TMEM237: variants seen among roughly 807,000 people sequenced by gnomAD.
TMEM237 encodes transmembrane protein 237.
TMEM237 carries 51 observed loss-of-function variants against 59.1 expected under a neutral mutation model. The observed-to-expected ratio is 0.86, with a 90% confidence interval of 0.69 to 1.09. The LOEUF (loss-of-function observed/expected upper bound fraction) is 1.09. Ranked by LOEUF, TMEM237 falls within the 50% of genes least tolerant of loss-of-function variation. TMEM237 has a pLI of 0.00. For synonymous variants in TMEM237, 140 were observed against 166.1 expected, an observed-to-expected ratio of 0.84 and a Z score of 1.21; for missense variants, 475 against 478.3, an observed-to-expected ratio of 0.99 and a Z score of 0.06.
In TMEM237 at chr2:201,620,697, G is replaced by A. The variant is rs1412524971; in HGVS notation, c.*3558C>T. On this transcript the variant is annotated 3_prime_UTR_variant, in exon 13 of 13. Transcript: ENST00000409883. ...ATAGAAGTATTTTTTGTGTGTGTCAGGTTGTGATGGCCTTTGTGCAAGGTG... is the reference window on the plus strand; with the variant it reads ...ATAGAAGTATTTTTTGTGTGTGTCAAGTTGTGATGGCCTTTGTGCAAGGTG... 1 of 152,224 alleles carries A rather than the reference G, an allele frequency of 6.6e-6. No homozygotes were observed. Among genetic ancestry groups the A allele is most frequent in the Non-Finnish European group, 1.5e-5 (1 of 68,056 alleles). The allele number at this position is 152,224 out of a possible 1,614,324, so 9.4% of individuals were successfully genotyped here.
rs1957812187 is a variant in TMEM237, at chr2:201,632,032, A to G, written c.553+19T>C. ...CAATTTTTAAAGAGTTCATATTCTA[A>G]AACAAGGCATCTACTTACGGCTTTT... On this transcript the variant is annotated intron_variant, in intron 7 of 12. Coordinates refer to ENST00000409883, the MANE Select transcript of TMEM237 (RefSeq NM_001044385.3). The G allele has an allele frequency of 6.2e-7, 1 of 1,612,774 alleles. No homozygotes were observed. The highest frequency in any genetic ancestry group is 1.3e-5 in the African/African-American group (1 of 74,888).
intron 7 of TMEM237, 140 bp from the exon 8 acceptor site, chr2:201,629,992 G>T: frequency 9.5e-7 from 1 of 1,056,704 alleles, no homozygotes; most frequent in Non-Finnish European, 1.3e-6. Flanking sequence ...CCTTGACTCA[G>T]TACCTATTTC....
intron 12 of TMEM237, among the ~76,000 whole-genome samples, chr2:201,625,584 A>G (rs1957751536): frequency 6.6e-6 from 1 of 152,174 alleles, no homozygotes; most frequent in South Asian, 2.1e-4. Context: ...AGTACTAAAC[A>G]CTGTTAGCCA....
In TMEM237 at chr2:201,629,410, A is replaced by G; in HGVS notation, c.689T>C (p.Leu230Pro). The G allele has an allele frequency of 6.4e-7, 1 of 1,570,472 alleles. No homozygotes were observed. Among genetic ancestry groups the G allele is most frequent in the Non-Finnish European group, 8.6e-7 (1 of 1,165,600 alleles). Reference protein sequence around the residue: ...TVHRAFRMIGLFSHGFLAGCA... With the variant: ...TVHRAFRMIGPFSHGFLAGCA... ...GCCAGCCAAGAATCCATGAGAAAAG[A>G]GACCAATCATCCTGAATGGAAAAGG... Residue 230 changes from leucine to proline, a missense_variant, in exon 9 of 13, where the codon CTC becomes CCC. Leu to Pro is a moderately conservative substitution (Grantham distance 98). Coordinates refer to ENST00000409883, the MANE Select transcript of TMEM237 (RefSeq NM_001044385.3).
chr2:201,641,073 C>T, intron 1 of TMEM237, 149 bp from the exon 2 acceptor site: 1 of 570,210 alleles, frequency 1.8e-6, no homozygotes, highest in Non-Finnish European at 2.9e-6. Flanking sequence ...CTCACTGCAG[C>T]TTCCATCTCC....
chr2:201,631,937 T>A, intron 7 of TMEM237, 114 bp downstream of exon 7: 1 of 1,126,402 alleles, frequency 8.9e-7, no homozygotes, highest in South Asian at 1.6e-5. Flanking sequence ...GTTTTGTGTA[T>A]AAATTGTTGT....
At position 201,623,714 on chromosome 2, in the gene TMEM237, A is replaced by C. The variant is rs1233594002; in HGVS notation, c.*541T>G. The C allele has an allele frequency of 6.5e-6, 1 of 152,728 alleles. No individual in the cohort carries two copies. The highest frequency in any genetic ancestry group is 2.4e-5 in the African/African-American group (1 of 41,444). The allele number at this position is 152,728 out of a possible 1,614,324, so 9.5% of individuals were successfully genotyped here. ...ATATAATTTTTCAAACAAAACATAC[A>C]TTCCCTTTTTATTGGTCATAATGTA... On this transcript the variant is annotated 3_prime_UTR_variant, in exon 13 of 13. Transcript: ENST00000409883.
Position 201,631,742 on chromosome 2 carries a change from T to C in TMEM237, c.553+309A>G, listed in dbSNP as rs1385445762. 5.3e-5 allele frequency among the ~76,000 whole-genome samples: 8 copies of C among 152,152 alleles called. No individual in the cohort carries two copies. In the East Asian group the frequency reaches 1.3e-3, roughly 26 times the overall value. On this transcript the variant is annotated intron_variant, in intron 7 of 12. Coordinates refer to ENST00000409883, the MANE Select transcript of TMEM237 (RefSeq NM_001044385.3). ...CAAACTGTGTGTGTGTGTGTGCACA[T>C]GTGTATATGCTCATTTTTTATCAGA...
intron 1 of TMEM237, among the ~76,000 whole-genome samples, chr2:201,642,416 A>G (rs1687442732): frequency 6.6e-6 from 1 of 152,178 alleles, no homozygotes; most frequent in Non-Finnish European, 1.5e-5. Flanking sequence ...AGTCACAGGA[A>G]CGCGCTATTG....
rs749188626 is a variant in TMEM237, at chr2:201,635,536, C to T, written c.274+1212G>A. ...CAGCACTTTGGGAGGCCGAGGTGGG[C>T]GGATCACCTGAGGTCAGGAGTTCAA... is the stretch of plus-strand genomic sequence containing the variant. On this transcript the variant is annotated intron_variant, in intron 5 of 12. Coordinates refer to ENST00000409883, the MANE Select transcript of TMEM237 (RefSeq NM_001044385.3). This position sits in a 1 kb window ranked among gnomAD's most constrained non-coding sequence, Gnocchi z 4.5. Among the ~76,000 whole-genome samples the T allele has an allele frequency of 4.6e-5, 7 of 152,040 alleles. No homozygotes were observed. The highest frequency in any genetic ancestry group is 1.4e-4 in the African/African-American group (6 of 41,406).
chr2:201,633,247 G>A (rs1003126284), intron 6 of TMEM237, 64 bp downstream of exon 6: 10 of 1,510,480 alleles, frequency 6.6e-6, no homozygotes, highest in South Asian at 3.9e-5. Context: ...CTACTGCTTC[G>A]GAGCTCCAAA....
In TMEM237 at chr2:201,627,276, C is replaced by A. The variant is rs949819079; in HGVS notation, c.1037+45G>T. On this transcript the variant is annotated intron_variant, in intron 11 of 12. Transcript: ENST00000409883. ...AAGAATGGAAGGATAAGAAAAGTTG[C>A]TGTTATTGCCATTAACAATTGCTAA... The A allele has an allele frequency of 2.9e-6, 4 of 1,359,286 alleles. No homozygotes were observed. The African/African-American group carries it at 5.8e-5, about 20-fold the overall frequency. 84.2% of individuals were successfully genotyped at this position (1,359,286 alleles called of 1,614,324 possible). A position where few individuals can be genotyped will look rare whatever the true frequency, so the allele number is the denominator to read the frequency against.
chr2:201,638,935 G>A (rs374774582), intron 4 of TMEM237, 54 bp downstream of exon 4: 148 of 1,502,672 alleles, frequency 9.8e-5, no homozygotes, highest in Middle Eastern at 1.7e-4. Context: ...TGTTTACTAC[G>A]CCTGAGGTCC....
intron 4 of TMEM237, 122 bp downstream of exon 4, chr2:201,638,867 A>G (rs1467872214): frequency 7.1e-6 from 7 of 981,868 alleles, no homozygotes; most frequent in South Asian, 6.6e-5. Context: ...CCTTAATTCT[A>G]TCCTCAATGA....
At chr2:201,640,226 A>G (rs371182448) in intron 3 of TMEM237, 35 bp downstream of exon 3, 17 of 1,531,010 alleles carry the variant, frequency 1.1e-5, no homozygotes, top group Non-Finnish European at 1.5e-5. Context: ...TAATTTTTGA[A>G]CACCAAATAT....
chr2:201,642,876 C>A, intron 1 of TMEM237: 4 of 1,333,928 alleles, frequency 3.0e-6, no homozygotes, highest in Non-Finnish European at 3.8e-6. Flanking sequence ...AGAAATCTGG[C>A]GACCGTGGCG....
At position 201,622,095 on chromosome 2, in the gene TMEM237, A is replaced by G. The variant is rs567320861; in HGVS notation, c.*2160T>C. The G allele has an allele frequency of 4.6e-5, 7 of 152,284 alleles. No individual in the cohort carries two copies. In the East Asian group the frequency reaches 1.2e-3, roughly 25 times the overall value. The allele number at this position is 152,284 out of a possible 1,614,324, so 9.4% of individuals were successfully genotyped here. On this transcript the variant is annotated 3_prime_UTR_variant, in exon 13 of 13. Coordinates refer to ENST00000409883, the MANE Select transcript of TMEM237 (RefSeq NM_001044385.3). ...AGGGCCACTAGCTGCTCAGGTTTAT[A>G]TGCCTCCTGGGTCATTACGAGATCT...
At position 201,624,054 on chromosome 2, in the gene TMEM237, G is replaced by C; in HGVS notation, c.*201C>G. On this transcript the variant is annotated 3_prime_UTR_variant, in exon 13 of 13. Transcript: ENST00000409883. ...AGTTCATTATTCCCTTTGTCATTAA[G>C]ATGATAATGCTAGACAAATTAATGT... is the stretch of plus-strand genomic sequence containing the variant. 2.5e-6 allele frequency: 1 copy of C among 405,102 alleles called. No individual in the cohort carries two copies. Among genetic ancestry groups the C allele is most frequent in the Non-Finnish European group, 4.4e-6 (1 of 228,968 alleles). The allele number at this position is 405,102 out of a possible 1,614,324, so 25.1% of individuals were successfully genotyped here. A position where few individuals can be genotyped will look rare whatever the true frequency, so the allele number is the denominator to read the frequency against.
intron 6 of TMEM237, 127 bp from the exon 7 acceptor site, chr2:201,632,335 C>A: frequency 9.8e-7 from 1 of 1,025,292 alleles, no homozygotes. Flanking sequence ...GGTTTTTACT[C>A]AAATAAATCG....
Sources: allele counts gnomAD v4.1 joint callset (sites outside exome capture counted in the v4.1 genomes callset), GRCh38; gene constraint gnomAD v4.1.1; non-coding constraint Gnocchi (gnomAD v3.1); transcripts MANE v1.5; gene names NCBI Gene and HGNC (gene_info 2026-07-23, HGNC 2026-07-21).